Variants in TRPM3 observed in about 807,000 individuals in gnomAD.
TRPM3 encodes the protein transient receptor potential cation channel subfamily M member 3.
TRPM3 carries 77 observed loss-of-function variants against 181.2 expected under a neutral mutation model. The ratio of observed to expected loss-of-function variants is 0.42; its 90% CI spans 0.35 to 0.51. The LOEUF (loss-of-function observed/expected upper bound fraction) is 0.51, where lower values mean the gene tolerates loss of function less well. Ranked by LOEUF, TRPM3 falls within the 20% of genes least tolerant of loss-of-function variation. The pLI is 0.01. For synonymous variants in TRPM3, 745 were observed against 796.4 expected, an observed-to-expected ratio of 0.94 and a Z score of 1.09; for missense variants, 1,759 against 2,196.7, an observed-to-expected ratio of 0.80 and a Z score of 3.98.
chr9:70,928,970 AATT>A (rs976748049), intron 1 of TRPM3, among the ~76,000 whole-genome samples: 9 of 152,080 alleles, frequency 5.9e-5, no homozygotes, highest in African/African-American at 2.2e-4. Flanking sequence ...GTGCAATGAG[AATT>A]ATTATGATTC....
chr9:70,637,394 C>T (rs1236200122), intron 11 of TRPM3, among the ~76,000 whole-genome samples: 3 of 152,086 alleles, frequency 2.0e-5, no homozygotes, highest in Non-Finnish European at 4.4e-5. Flanking sequence ...CGGGAAGCCA[C>T]CACCAGCAGA....
chr9:70,544,662 C>G (rs2044387911), intron 25 of TRPM3, among the ~76,000 whole-genome samples: 1 of 151,502 alleles, frequency 6.6e-6, no homozygotes, highest in African/African-American at 2.4e-5. Flanking sequence ...AAACGATGGC[C>G]TAAAATGCAT....
At chr9:70,640,413 A>C in intron 10 of TRPM3, 147 bp downstream of exon 10, 1 of 527,770 alleles carries the variant, frequency 1.9e-6, no homozygotes, top group East Asian at 3.0e-5. Context: ...TGAGAAAGGG[A>C]GCTCAGGATA....
At chr9:71,306,810 T>C (rs999871607) in intron 1 of TRPM3, among the ~76,000 whole-genome samples, 24 of 152,094 alleles carry the variant, frequency 1.6e-4, no homozygotes, top group Admixed American at 9.8e-4. Flanking sequence ...GGGGTGGAGA[T>C]TGCAGTGAGC....
At chr9:70,652,959 T>C (rs1039503237) in intron 9 of TRPM3, among the ~76,000 whole-genome samples, 2 of 152,116 alleles carry the variant, frequency 1.3e-5, no homozygotes, top group Non-Finnish European at 2.9e-5. Context: ...AAAGGTTAGA[T>C]GCTACCTTGC....
chr9:71,373,311 T>A (rs201066979), intron 1 of TRPM3, among the ~76,000 whole-genome samples: 3 of 145,240 alleles, frequency 2.1e-5, no homozygotes, highest in South Asian at 2.2e-4. Flanking sequence ...GAAAAACCCT[T>A]AAAAAAAAAA....
chr9:70,598,107 T>C (rs1237730681), intron 21 of TRPM3, among the ~76,000 whole-genome samples: 3 of 152,130 alleles, frequency 2.0e-5, no homozygotes. Flanking sequence ...CCTCCCTCTC[T>C]CTCCCATCAA....
intron 8 of TRPM3, among the ~76,000 whole-genome samples, chr9:70,683,517 C>T: frequency 7.3e-6 from 1 of 137,130 alleles, no homozygotes; most frequent in East Asian, 2.2e-4. Context: ...GTCTTGGCCT[C>T]CCAAAGTGCT....
intron 22 of TRPM3, among the ~76,000 whole-genome samples, chr9:70,575,691 T>C (rs566658490): frequency 6.6e-6 from 1 of 152,356 alleles, no homozygotes; most frequent in East Asian, 1.9e-4. Flanking sequence ...GACAACCTCC[T>C]TTCTGTCCTC....
At chr9:71,338,744 G>T (rs549026203) in intron 1 of TRPM3, among the ~76,000 whole-genome samples, 1 of 152,204 alleles carries the variant, frequency 6.6e-6, no homozygotes, top group Non-Finnish European at 1.5e-5. Flanking sequence ...GGAATAGATG[G>T]ATACTTCCTT....
At chr9:70,698,515 CATT>C (rs1210918160) in intron 8 of TRPM3, among the ~76,000 whole-genome samples, 44 of 152,120 alleles carry the variant, frequency 2.9e-4, no homozygotes, top group Admixed American at 2.9e-3. Flanking sequence ...CGCATGCTAA[CATT>C]ATTATTACTG....
intron 1 of TRPM3, among the ~76,000 whole-genome samples, chr9:70,941,849 A>G (rs777037669): frequency 1.2e-4 from 19 of 152,216 alleles, no homozygotes; most frequent in Non-Finnish European, 1.9e-4. Context: ...GATAATAGAT[A>G]TGATTACTCT....
At chr9:70,765,093 C>A (rs914407256) in intron 7 of TRPM3, among the ~76,000 whole-genome samples, 1 of 152,108 alleles carries the variant, frequency 6.6e-6, no homozygotes, top group Non-Finnish European at 1.5e-5. Flanking sequence ...AAACTATGCC[C>A]TAAGGAGGTT....
chr9:71,046,295 T>G (rs761772012), intron 1 of TRPM3, among the ~76,000 whole-genome samples: 22 of 152,166 alleles, frequency 1.4e-4, no homozygotes, highest in Non-Finnish European at 3.1e-4. Context: ...TTTTCTACAC[T>G]TTTATGACCA....
At chr9:71,192,614 T>G (rs2078102491) in intron 1 of TRPM3, among the ~76,000 whole-genome samples, 1 of 151,886 alleles carries the variant, frequency 6.6e-6, no homozygotes, top group Non-Finnish European at 1.5e-5. Flanking sequence ...GTTATTTTAT[T>G]TTGCTATTTA....
At chr9:71,238,265 T>C (rs2081476432) in intron 1 of TRPM3, among the ~76,000 whole-genome samples, 1 of 152,016 alleles carries the variant, frequency 6.6e-6, no homozygotes, top group Non-Finnish European at 1.5e-5. Flanking sequence ...TGCTTGATTT[T>C]TCAAAGATTA....
chr9:71,251,366 T>C (rs148321244), intron 1 of TRPM3, among the ~76,000 whole-genome samples: 1,949 of 152,340 alleles, frequency 0.013, 23 homozygotes, highest in Non-Finnish European at 0.021. Flanking sequence ...AACTTTGTTC[T>C]GAGTTCATCT....
intron 22 of TRPM3, among the ~76,000 whole-genome samples, chr9:70,555,661 C>T (rs959799613): frequency 8.5e-5 from 13 of 152,192 alleles, no homozygotes; most frequent in Non-Finnish European, 2.9e-5. Context: ...AATCTTCTTA[C>T]ACTCAACCAG....
At chr9:71,189,818 C>T (rs1014603562) in intron 1 of TRPM3, among the ~76,000 whole-genome samples, 2 of 151,876 alleles carry the variant, frequency 1.3e-5, no homozygotes, top group African/African-American at 4.8e-5. Flanking sequence ...TATCTGTCCC[C>T]ATCCAATGGG....
Sources: allele counts gnomAD v4.1 joint callset (sites outside exome capture counted in the v4.1 genomes callset), GRCh38; gene constraint gnomAD v4.1.1; transcripts MANE v1.5; gene names NCBI Gene and HGNC (gene_info 2026-07-23, HGNC 2026-07-21).